The following CNOT9 variants were observed in gnomAD, a reference collection of about 807,000 sequenced individuals.
CNOT9 encodes CCR4-NOT transcription complex subunit 9.
CNOT9 carries 8 observed loss-of-function variants against 37.4 expected under a neutral mutation model. The observed-to-expected ratio is 0.21, with a 90% CI of 0.13 to 0.39. The LOEUF (loss-of-function observed/expected upper bound fraction) is 0.39. Among genes scored for constraint, CNOT9 ranks in the 10% least tolerant of loss-of-function variants. CNOT9 has a pLI of 1.00. For missense variants in CNOT9, 154 were observed against 365.3 expected, an observed-to-expected ratio of 0.42 and a Z score of 4.71; for synonymous variants, 120 against 137.6, an observed-to-expected ratio of 0.87 and a Z score of 0.90.
At chr2:218,589,735 G>A (rs955316923) in intron 5 of CNOT9, among the ~76,000 whole-genome samples, 10 of 152,306 alleles carry the variant, frequency 6.6e-5, no homozygotes, top group South Asian at 4.1e-4. Flanking sequence ...CTTGAACTCC[G>A]GGGCTCAAGC....
chr2:218,590,042 T>C (rs1021820903), intron 5 of CNOT9, among the ~76,000 whole-genome samples: 9 of 115,418 alleles, frequency 7.8e-5, no homozygotes, highest in African/African-American at 2.2e-4. Context: ...GGTAGAAATA[T>C]TGCTTTTTTC....
chr2:218,571,474 C>T (rs556987060), intron 1 of CNOT9, among the ~76,000 whole-genome samples: 2 of 151,950 alleles, frequency 1.3e-5, no homozygotes, highest in Non-Finnish European at 2.9e-5. Context: ...GGATATTATT[C>T]ACTAGAAGGA....
intron 1 of CNOT9, among the ~76,000 whole-genome samples, chr2:218,579,154 GT>G (rs1383582491): frequency 6.6e-6 from 1 of 152,104 alleles, no homozygotes; most frequent in Non-Finnish European, 1.5e-5. Flanking sequence ...TTTAAAAAAA[GT>G]TTATGCAAAA....
intron 1 of CNOT9, among the ~76,000 whole-genome samples, chr2:218,571,834 C>G (rs917476281): frequency 6.7e-6 from 1 of 150,262 alleles, no homozygotes; most frequent in African/African-American, 2.4e-5. Context: ...ATCTGCCCGC[C>G]TCAGCCCCCA....
At position 218,592,888 on chromosome 2, in the gene CNOT9, A is replaced by C; in HGVS notation, c.731+181A>C. 1.7e-6 allele frequency: 1 copy of C among 596,240 alleles called. No individual in the cohort carries two copies. Among genetic ancestry groups the C allele is most frequent in the East Asian group, 2.8e-5 (1 of 35,390 alleles). The allele number at this position is 596,240 out of a possible 1,614,324, so 36.9% of individuals were successfully genotyped here. The stretch of plus-strand genomic sequence containing the variant: ...GAAATGCTGAATTTTAGTAGCCATC[A>C]GTTTCATCTTCTCACTGTAACTCTC... On this transcript the variant is annotated intron_variant, in intron 7 of 7. Coordinates refer to ENST00000273064, the MANE Select transcript of CNOT9 (RefSeq NM_005444.3). This position sits in a 1 kb window ranked among gnomAD's most constrained non-coding sequence, Gnocchi z 4.1.
intron 1 of CNOT9, among the ~76,000 whole-genome samples, chr2:218,579,235 C>T (rs532528817): frequency 1.8e-4 from 28 of 152,312 alleles, no homozygotes; most frequent in African/African-American, 6.7e-4. Flanking sequence ...CTACAGTTAA[C>T]AGTTCTTTAT....
intron 2 of CNOT9, chr2:218,581,251 C>T: frequency 5.0e-6 from 1 of 199,446 alleles, no homozygotes; most frequent in South Asian, 6.4e-5. Context: ...TCACTGCAAC[C>T]TCTGCCTCCC....
At position 218,592,261 on chromosome 2, in the gene CNOT9, AT is replaced by A. The variant is rs752390228; in HGVS notation, c.541-42del. 1 of 1,440,640 alleles carries A rather than the reference AT, an allele frequency of 6.9e-7. No homozygotes were observed. Among genetic ancestry groups the A allele is most frequent in the Non-Finnish European group, 9.7e-7 (1 of 1,028,220 alleles). The allele number at this position is 1,440,640 out of a possible 1,614,324, so 89.2% of individuals were successfully genotyped here. Reference sequence around the variant, plus strand: ...AATGAGTAGAAAATGAGAAGATTAAATCTGAGCAACTTTATAAACTCTTCGA... The same window carrying A: ...AATGAGTAGAAAATGAGAAGATTAAACTGAGCAACTTTATAAACTCTTCGA... On this transcript the variant is annotated intron_variant, in intron 5 of 7. Coordinates refer to ENST00000273064, the MANE Select transcript of CNOT9 (RefSeq NM_005444.3). The surrounding 1 kb of genome is among the most constrained non-coding windows in gnomAD (Gnocchi z 4.1).
chr2:218,577,525 G>C (rs1454511643), intron 1 of CNOT9, among the ~76,000 whole-genome samples: 4 of 152,222 alleles, frequency 2.6e-5, no homozygotes, highest in African/African-American at 9.6e-5. Context: ...AGTATTGCTA[G>C]CAGCAGGTGT....
At chr2:218,589,524 C>G (rs535082494) in intron 5 of CNOT9, among the ~76,000 whole-genome samples, 23 of 152,252 alleles carry the variant, frequency 1.5e-4, no homozygotes, top group Admixed American at 5.9e-4. Context: ...TTTGTAAAGA[C>G]AAGGTCTCCC....
chr2:218,574,126 C>T (rs1208250625), intron 1 of CNOT9: 3 of 321,046 alleles, frequency 9.3e-6, no homozygotes, highest in African/African-American at 2.3e-5. Context: ...AACGACACCA[C>T]ACCAGGCTAA....
At position 218,569,035 on chromosome 2, in the gene CNOT9, G is replaced by A. The variant is rs180880349; in HGVS notation, c.24+57G>A. 5.6e-6 allele frequency: 9 copies of A among 1,593,264 alleles called. No homozygotes were observed. The East Asian group carries it at 2.0e-4, about 36-fold the overall frequency. ...GAATCCTTTCTCAGACCCACGTTTC[G>A]GCCTTCTCTCCTAATTCCCGGTGTC... is the stretch of plus-strand genomic sequence containing the variant. On this transcript the variant is annotated intron_variant, in intron 1 of 7. Transcript: ENST00000273064.
chr2:218,570,723 C>T (rs1693960589), intron 1 of CNOT9, among the ~76,000 whole-genome samples: 1 of 152,162 alleles, frequency 6.6e-6, no homozygotes, highest in Non-Finnish European at 1.5e-5. Flanking sequence ...CTGTGCCTTC[C>T]CAAACTCTGT....
In CNOT9 at chr2:218,592,274, T is replaced by C; in HGVS notation, c.541-30T>C. ...TGAGAAGATTAAATCTGAGCAACTT[T>C]ATAAACTCTTCGATTTTGTTTTGCT... On this transcript the variant is annotated intron_variant, in intron 5 of 7. Coordinates refer to ENST00000273064, the MANE Select transcript of CNOT9 (RefSeq NM_005444.3). This position sits in a 1 kb window ranked among gnomAD's most constrained non-coding sequence, Gnocchi z 4.1. 6.6e-7 allele frequency: 1 copy of C among 1,523,432 alleles called. No individual in the cohort carries two copies. The allele number at this position is 1,523,432 out of a possible 1,614,324, so 94.4% of individuals were successfully genotyped here.
At chr2:218,575,577 G>T (rs999806880) in intron 1 of CNOT9, among the ~76,000 whole-genome samples, 1 of 151,692 alleles carries the variant, frequency 6.6e-6, no homozygotes, top group South Asian at 2.1e-4. Context: ...TAATTTTTTT[G>T]TAGTTTTAGT....
At position 218,577,554 on chromosome 2, in the gene CNOT9, G is replaced by A. The variant is rs576241267; in HGVS notation, c.25-3007G>A. ...CAGGTGTCCATGGCTTTAGGAACCC[G>A]TGTACGCACCAGGCATTGGCCTTTC... On this transcript the variant is annotated intron_variant, in intron 1 of 7. Coordinates refer to ENST00000273064, the MANE Select transcript of CNOT9 (RefSeq NM_005444.3). Among the ~76,000 whole-genome samples the A allele has an allele frequency of 3.9e-5, 6 of 152,294 alleles. No individual in the cohort carries two copies. The East Asian group carries it at 5.8e-4, about 15-fold the overall frequency.
chr2:218,570,323 C>T (rs1289831682), intron 1 of CNOT9, among the ~76,000 whole-genome samples: 1 of 152,128 alleles, frequency 6.6e-6, no homozygotes, highest in African/African-American at 2.4e-5. Context: ...CCAAAAATTG[C>T]CATACGTTTA....
intron 1 of CNOT9, among the ~76,000 whole-genome samples, chr2:218,576,979 A>G (rs557981769): frequency 6.6e-6 from 1 of 151,798 alleles, no homozygotes; most frequent in Non-Finnish European, 1.5e-5. Context: ...AAAAAAAAAA[A>G]AAGTCATCTT....
chr2:218,582,102 A>G (rs1694407199), intron 2 of CNOT9, among the ~76,000 whole-genome samples: 1 of 152,098 alleles, frequency 6.6e-6, no homozygotes, highest in African/African-American at 2.4e-5. Flanking sequence ...AAAAAAATGT[A>G]AATGGAATTG....
Sources: allele counts gnomAD v4.1 joint callset (sites outside exome capture counted in the v4.1 genomes callset), GRCh38; gene constraint gnomAD v4.1.1; non-coding constraint Gnocchi (gnomAD v3.1); transcripts MANE v1.5; gene names NCBI Gene and HGNC (gene_info 2026-07-23, HGNC 2026-07-21).